SPIRE2: variants seen among roughly 807,000 people sequenced by gnomAD.
SPIRE2 encodes protein spire homolog 2.
Under a neutral mutation model 80.7 loss-of-function variants are expected in SPIRE2, and 76 were observed. That is an observed-to-expected ratio of 0.94 (90% CI 0.78 to 1.14). The LOEUF (loss-of-function observed/expected upper bound fraction) is 1.14, where lower values mean the gene tolerates loss of function less well. Ranked by LOEUF, SPIRE2 falls within the 50% of genes most tolerant of loss-of-function variation. The probability of loss-of-function intolerance (pLI) is 0.00; values close to 1 mark genes in which losing one functional copy is unlikely to be tolerated. For synonymous variants in SPIRE2, 535 were observed against 432.6 expected (o/e 1.24, Z -2.94); for missense variants, 1,196 against 1,015.3 (o/e 1.18, Z -2.42).
At chr16:89,859,120 C>G (rs201515604) in intron 8 of SPIRE2, 45 bp from the exon 9 acceptor site, 29 of 1,479,054 alleles carry the variant, frequency 2.0e-5, no homozygotes, top group Non-Finnish European at 2.4e-5. Context: ...GCAGGAGGCA[C>G]TGGCGGGCAT....
In SPIRE2 at chr16:89,863,078, T is replaced by C. The variant is rs541156131; in HGVS notation, c.1576-398T>C. Reference sequence around the variant, plus strand: ...GGCAGATGCAAGCTGAGGTGGCCTGTTGGAGGGTCCTGGACCTTCCAGAAA... The same window carrying C: ...GGCAGATGCAAGCTGAGGTGGCCTGCTGGAGGGTCCTGGACCTTCCAGAAA... On this transcript the variant is annotated intron_variant, in intron 10 of 14. Coordinates refer to ENST00000378247, the MANE Select transcript of SPIRE2 (RefSeq NM_032451.2). This position sits in a 1 kb window ranked among gnomAD's most constrained non-coding sequence, Gnocchi z 4.3. 3.9e-5 allele frequency: 8 copies of C among 203,074 alleles called. No individual in the cohort carries two copies. The highest frequency in any genetic ancestry group is 8.1e-5 in the Non-Finnish European group (8 of 98,188). 12.6% of individuals were successfully genotyped at this position (203,074 alleles called of 1,614,324 possible).
At chr16:89,842,154 C>G in intron 1 of SPIRE2, among the ~76,000 whole-genome samples, 1 of 151,612 alleles carries the variant, frequency 6.6e-6, no homozygotes, top group East Asian at 1.9e-4. Context: ...TCTCAGAACC[C>G]AGAGACACCC....
At chr16:89,857,626 A>G (rs571534592) in intron 7 of SPIRE2, among the ~76,000 whole-genome samples, 2 of 150,080 alleles carry the variant, frequency 1.3e-5, no homozygotes, top group South Asian at 4.2e-4. Flanking sequence ...GCTGGAGTGC[A>G]GTGGCGCTAT....
chr16:89,854,661 G>A lies in SPIRE2; in HGVS notation c.891+10G>A, dbSNP rs900176900. On this transcript the variant is annotated intron_variant, in intron 5 of 14. Transcript: ENST00000378247. ...GCTGCGCAAGGTCATGGTGAGCGGGGCAGACGCAGAGGGGCAGCCTGGATG... is the reference window on the plus strand; with the variant it reads ...GCTGCGCAAGGTCATGGTGAGCGGGACAGACGCAGAGGGGCAGCCTGGATG... 3.1e-6 allele frequency: 5 copies of A among 1,608,254 alleles called. No individual in the cohort carries two copies. The Admixed American group carries it at 5.0e-5, about 16-fold the overall frequency.
intron 12 of SPIRE2, among the ~76,000 whole-genome samples, 161 bp from the exon 13 acceptor site, chr16:89,868,028 A>G (rs1441149892): frequency 1.3e-5 from 2 of 152,240 alleles, no homozygotes; most frequent in African/African-American, 4.8e-5. Flanking sequence ...TATAAAGAAA[A>G]GCAAGATTTT....
chr16:89,855,495 T>C, intron 5 of SPIRE2, 105 bp from the exon 6 acceptor site: 1 of 909,390 alleles, frequency 1.1e-6, no homozygotes, highest in Non-Finnish European at 1.7e-6. Flanking sequence ...GGAGGGCGGG[T>C]AGGTGCGAAG....
In SPIRE2 at chr16:89,856,091, A is replaced by G. The variant is rs199596988; in HGVS notation, c.979-22A>G. 1,725 of 1,601,384 alleles carry G rather than the reference A, an allele frequency of 1.1e-3. 21 individuals are homozygous for G. In the African/African-American group the frequency reaches 0.018, roughly 16 times the overall value. Reference sequence around the variant, plus strand: ...ACCGCAGGTCCTGCTTCCCCACCGCAGGTCTCGCTTCCCCACCGCAGGTCT... The same window carrying G: ...ACCGCAGGTCCTGCTTCCCCACCGCGGGTCTCGCTTCCCCACCGCAGGTCT... On this transcript the variant is annotated intron_variant, in intron 6 of 14. Coordinates refer to ENST00000378247, the MANE Select transcript of SPIRE2 (RefSeq NM_032451.2).
At chr16:89,853,911 C>T (rs8061474) in intron 3 of SPIRE2, among the ~76,000 whole-genome samples, 2,412 of 152,376 alleles carry the variant, frequency 0.016, 65 homozygotes, top group African/African-American at 0.055. Context: ...TCACCCAAGC[C>T]ATGCACAAAG....
At chr16:89,854,748 C>T (rs527466323) in intron 5 of SPIRE2, 97 bp downstream of exon 5, 3 of 1,321,460 alleles carry the variant, frequency 2.3e-6, no homozygotes, top group Non-Finnish European at 3.1e-6. Context: ...CAGCCCACCC[C>T]AGAGAGCGGC....
intron 13 of SPIRE2, among the ~76,000 whole-genome samples, chr16:89,869,045 A>ACATATATATATATATATATATATATAT (rs1185522189): frequency 4.8e-4 from 18 of 37,178 alleles, no homozygotes; most frequent in East Asian, 2.3e-3. Context: ...AAAAAAAAAA[A>ACATATATATATATATATATATATATAT]AAAAAAAAAT....
In SPIRE2 at chr16:89,869,625, G is replaced by T; in HGVS notation, c.1865G>T (p.Ser622Ile). The change falls in exon 14 of 15, where the codon AGT becomes ATT. Residue 622 changes from serine to isoleucine, a missense_variant. Coordinates refer to ENST00000378247, the MANE Select transcript of SPIRE2 (RefSeq NM_032451.2). ...HIPVYTLGFE[S>I]PQRVSAAKTA... Reference sequence around the variant, plus strand: ...CCTGTCTACACACTGGGCTTTGAGAGTCCTCAGAGGGTATCAGCTGCCAAA... The same window carrying T: ...CCTGTCTACACACTGGGCTTTGAGATTCCTCAGAGGGTATCAGCTGCCAAA... 6.2e-7 allele frequency: 1 copy of T among 1,614,216 alleles called. No individual in the cohort carries two copies. The highest frequency in any genetic ancestry group is 8.5e-7 in the Non-Finnish European group (1 of 1,180,038).
chr16:89,870,007 CCTGG>C (rs1309022851), intron 14 of SPIRE2, 39 bp from the exon 15 acceptor site: 2 of 1,556,906 alleles, frequency 1.3e-6, no homozygotes. Context: ...GGTGTGGCAC[CCTGG>C]CTGGCTCCTC....
chr16:89,869,918 T>C (rs1567680019), intron 14 of SPIRE2, 132 bp from the exon 15 acceptor site: 2 of 792,178 alleles, frequency 2.5e-6, no homozygotes, highest in East Asian at 5.3e-5. Context: ...CTAGCTGTGT[T>C]TGTTGCCTGA....
In SPIRE2 at chr16:89,835,182, G is replaced by C. The variant is rs1260999995; in HGVS notation, c.244+6388G>C. 1.8e-4 allele frequency among the ~76,000 whole-genome samples: 26 copies of C among 144,012 alleles called. 1 individual carries two copies. Among genetic ancestry groups the C allele is most frequent in the Non-Finnish European group, 1.5e-5 (1 of 67,996 alleles). The allele number at this position is 144,012 out of a possible 152,430, so 94.5% of individuals were successfully genotyped here. On this transcript the variant is annotated intron_variant, in intron 1 of 14. Coordinates refer to ENST00000378247, the MANE Select transcript of SPIRE2 (RefSeq NM_032451.2). ...CGTCGTAGAAGCGTGGATAAGCATA[G>C]CCCGTGTGAATCTGTGAACCTGCCT...
At chr16:89,858,601 C>T in intron 8 of SPIRE2, 94 bp downstream of exon 8, 1 of 1,251,964 alleles carries the variant, frequency 8.0e-7, no homozygotes, top group Non-Finnish European at 1.1e-6. Context: ...GGGGCAGCAG[C>T]AATTGCGGTG....
intron 3 of SPIRE2, 53 bp from the exon 4 acceptor site, chr16:89,854,233 T>C (rs2041665711): frequency 1.3e-6 from 2 of 1,546,508 alleles, no homozygotes; most frequent in African/African-American, 2.7e-5. Flanking sequence ...GGGCCCGTCT[T>C]GCATCTGCCA....
chr16:89,859,073 C>G (rs2041718791), intron 8 of SPIRE2, 92 bp from the exon 9 acceptor site: 2 of 1,207,936 alleles, frequency 1.7e-6, no homozygotes, highest in East Asian at 5.3e-5. Flanking sequence ...GCAGACCCTG[C>G]GGCACCCCTG....
At chr16:89,835,243 G>A (rs1389705401) in intron 1 of SPIRE2, among the ~76,000 whole-genome samples, 1 of 144,090 alleles carries the variant, frequency 6.9e-6, no homozygotes, top group Non-Finnish European at 1.5e-5. Flanking sequence ...GCGTGGATAA[G>A]CATAGCCCGT....
chr16:89,840,178 A>G (rs1003433682), intron 1 of SPIRE2, among the ~76,000 whole-genome samples: 3 of 151,556 alleles, frequency 2.0e-5, no homozygotes, highest in African/African-American at 7.3e-5. Flanking sequence ...TTCCTCTTGA[A>G]GCTGCTGGAG....
Sources: gnomAD v4.1 joint callset for allele counts (sites outside exome capture counted in the v4.1 genomes callset) on GRCh38, gnomAD v4.1.1 for gene constraint, Gnocchi (gnomAD v3.1) non-coding constraint, MANE v1.5 for transcripts, NCBI Gene and HGNC (gene_info 2026-07-23, HGNC 2026-07-21) for gene names.